Variants in SASH1 observed in about 807,000 individuals in gnomAD.
SASH1 encodes the protein SAM and SH3 domain-containing protein 1.
A neutral mutation model predicts 125.2 loss-of-function variants in SASH1; 44 were observed. That is an observed-to-expected ratio of 0.35 (90% CI 0.28 to 0.45). The LOEUF is 0.45. SASH1 is among the 20% of genes least tolerant of loss of function. The pLI is 1.00. For synonymous variants in SASH1, 639 were observed against 649.1 expected (o/e 0.98, Z 0.24); for missense variants, 1,426 against 1,614.5 (o/e 0.88, Z 2.00).
chr6:148,326,347 TATATA>T (rs1562326187), intron 1 of SASH1, among the ~76,000 whole-genome samples: 7 of 90,116 alleles, frequency 7.8e-5, no homozygotes, highest in African/African-American at 2.9e-4. Flanking sequence ...TATATATATA[TATATA>T]TATATGCATA....
chr6:148,398,051 G>T (rs771435848), intron 2 of SASH1, among the ~76,000 whole-genome samples: 1 of 152,112 alleles, frequency 6.6e-6, no homozygotes, highest in Non-Finnish European at 1.5e-5. Context: ...GGTGTGGACC[G>T]TGGGGAGTAA....
the SASH1 span, among the ~76,000 whole-genome samples, chr6:148,193,758 G>A: frequency 6.6e-6 from 1 of 152,128 alleles, no homozygotes; most frequent in Admixed American, 6.5e-5. Context: ...TAAGTGAAAC[G>A]TGCCTTCTAC....
chr6:148,410,524 C>T (rs1784580600), intron 2 of SASH1, among the ~76,000 whole-genome samples: 1 of 152,134 alleles, frequency 6.6e-6, no homozygotes, highest in African/African-American at 2.4e-5. Context: ...AAAGAGATTA[C>T]TAGTAATCTA....
intron 1 of SASH1, among the ~76,000 whole-genome samples, chr6:148,388,777 G>A (rs779376800): frequency 2.0e-4 from 30 of 152,204 alleles, no homozygotes; most frequent in Non-Finnish European, 3.4e-4. Context: ...AGCCTGCTTC[G>A]CAGTGTTAGG....
At chr6:148,503,762 A>G (rs1384269803) in intron 8 of SASH1, among the ~76,000 whole-genome samples, 2 of 86,452 alleles carry the variant, frequency 2.3e-5, no homozygotes, top group African/African-American at 6.2e-5. Flanking sequence ...CTTTCTTGTA[A>G]AAAAAAAAAA....
intron 6 of SASH1, among the ~76,000 whole-genome samples, chr6:148,471,997 G>A (rs1346116255): frequency 6.6e-6 from 1 of 152,148 alleles, no homozygotes; most frequent in East Asian, 1.9e-4. Context: ...TTGCCCGGGC[G>A]GCTTTGTGAA....
In SASH1 at chr6:148,544,577, C is replaced by G; in HGVS notation, c.3107C>G (p.Pro1036Arg). 6.2e-7 allele frequency: 1 copy of G among 1,613,350 alleles called. No homozygotes were observed. Residue 1036 changes from proline (P) to arginine (R), a missense_variant, in exon 18 of 20, where the codon CCC becomes CGC. Pro to Arg is a moderately radical substitution (Grantham distance 103). Transcript: ENST00000367467. This position sits in a 1 kb window ranked among gnomAD's most constrained non-coding sequence, Gnocchi z 6.4. ...AGCCCCACCAGCCCTAGCGACTGTC[C>G]CCCAGCACTGGCTCCCAGGCCTCTC... is the stretch of plus-strand genomic sequence containing the variant. ...PASPTSPSDC[P>R]PALAPRPLSG... is the part of the protein sequence containing the mutation.
chr6:148,532,456 A>ATGGT lies in SASH1; in HGVS notation c.1565-339_1565-336dup, dbSNP rs1210507359. Among the ~76,000 whole-genome samples the ATGGT allele has an allele frequency of 6.6e-6, 1 of 152,158 alleles. No homozygotes were observed. Among genetic ancestry groups the ATGGT allele is most frequent in the Non-Finnish European group, 1.5e-5 (1 of 68,036 alleles). ...CTGAATTTGTTTCCTCATCTGTAAAATGGTTAGAGAGAGTGTGCATTACCA... is the reference window on the plus strand; with the variant it reads ...CTGAATTTGTTTCCTCATCTGTAAAATGGTTGGTTAGAGAGAGTGTGCATTACCA... On this transcript the variant is annotated intron_variant, in intron 13 of 19. Coordinates refer to ENST00000367467, the MANE Select transcript of SASH1 (RefSeq NM_015278.5). The surrounding 1 kb of genome is among the most constrained non-coding windows in gnomAD (Gnocchi z 4.7).
At position 148,356,076 on chromosome 6, in the gene SASH1, T is replaced by C. The variant is rs1781923659; in HGVS notation, c.156+12853T>C. ...AAGTCCATTGTATCATTCTGTTTTT[T>C]TTTTTTTTTCTTTTCTTTTCTTTTT... On this transcript the variant is annotated intron_variant, in intron 1 of 19. Coordinates refer to ENST00000367467, the MANE Select transcript of SASH1 (RefSeq NM_015278.5). 3.3e-5 allele frequency among the ~76,000 whole-genome samples: 5 copies of C among 151,308 alleles called. No homozygotes were observed. The South Asian group carries it at 6.3e-4, about 19-fold the overall frequency.
chr6:148,277,035 C>A (rs1779204252), intron 1 of SASH1, among the ~76,000 whole-genome samples: 1 of 152,216 alleles, frequency 6.6e-6, no homozygotes, highest in African/African-American at 2.4e-5. Flanking sequence ...ATCCTCACAA[C>A]AACACGGTGT....
chr6:148,435,326 C>T (rs1020422493), intron 2 of SASH1, among the ~76,000 whole-genome samples: 5 of 147,024 alleles, frequency 3.4e-5, no homozygotes, highest in Non-Finnish European at 5.9e-5. Context: ...TGCAGTAAGC[C>T]GAAGATCGTG....
chr6:148,360,646 C>CA (rs1554242977), intron 1 of SASH1, among the ~76,000 whole-genome samples: 15 of 148,780 alleles, frequency 1.0e-4, no homozygotes, highest in Non-Finnish European at 1.5e-4. Context: ...ACCCCCCCGC[C>CA]AGGCTTTAAA....
intron 1 of SASH1, among the ~76,000 whole-genome samples, chr6:148,372,610 C>G (rs569551655): frequency 3.3e-5 from 5 of 152,234 alleles, no homozygotes; most frequent in Admixed American, 3.3e-4. Context: ...AAGCATAAAG[C>G]AATATATAAA....
chr6:148,268,199 A>G (rs556424532), upstream of SASH1, among the ~76,000 whole-genome samples: 9 of 152,358 alleles, frequency 5.9e-5, no homozygotes, highest in African/African-American at 2.2e-4. Context: ...ATGCACAGAA[A>G]GAATCTTTCA....
Position 148,519,862 on chromosome 6 carries a change from TGAA to T in SASH1, c.1183_1185del (p.Lys395del). 6.3e-7 allele frequency: 1 copy of T among 1,596,012 alleles called. No homozygotes were observed. Among genetic ancestry groups the T allele is most frequent in the Non-Finnish European group, 8.5e-7 (1 of 1,172,370 alleles). On this transcript the variant is annotated inframe_deletion, in exon 10 of 20. Coordinates refer to ENST00000367467, the MANE Select transcript of SASH1 (RefSeq NM_015278.5). The surrounding 1 kb of genome is among the most constrained non-coding windows in gnomAD (Gnocchi z 4.8). Reference sequence around the variant, plus strand: ...TCCCGCTCCCTCACCGAGGGGGAGATGAAGAAGGGTCTCGGGTCCCTAAGCCAC... The same window carrying T: ...TCCCGCTCCCTCACCGAGGGGGAGATGAAGGGTCTCGGGTCCCTAAGCCAC...
chr6:148,197,723 C>T, the SASH1 span, among the ~76,000 whole-genome samples: 3,123 of 152,268 alleles, frequency 0.021, 57 homozygotes, highest in Middle Eastern at 0.041. Flanking sequence ...GCTCTGTGTC[C>T]CCACCTGAGT....
rs1320384597 is a variant in SASH1, at chr6:148,551,561, A to G, written c.*3003A>G. 6.6e-6 allele frequency: 1 copy of G among 152,274 alleles called. No homozygotes were observed. The highest frequency in any genetic ancestry group is 1.5e-5 in the Non-Finnish European group (1 of 68,034). The allele number at this position is 152,274 out of a possible 1,614,324, so 9.4% of individuals were successfully genotyped here. A position where few individuals can be genotyped will look rare whatever the true frequency, so the allele number is the denominator to read the frequency against. Reference sequence around the variant, plus strand: ...GGTATGGGTGAAATTGGAAATTACTAATCTATTGGAAATCAGTTCCTGACA... The same window carrying G: ...GGTATGGGTGAAATTGGAAATTACTGATCTATTGGAAATCAGTTCCTGACA... On this transcript the variant is annotated 3_prime_UTR_variant, in exon 20 of 20. Transcript: ENST00000367467.
chr6:148,327,964 A>G (rs1389680862), intron 1 of SASH1, among the ~76,000 whole-genome samples: 1 of 151,620 alleles, frequency 6.6e-6, no homozygotes, highest in Non-Finnish European at 1.5e-5. Flanking sequence ...AAAGAAAAAG[A>G]AAAAGAAAAA....
chr6:148,498,247 A>C (rs544751111), intron 8 of SASH1, among the ~76,000 whole-genome samples: 21 of 143,812 alleles, frequency 1.5e-4, no homozygotes, highest in South Asian at 4.5e-4. Context: ...AAAAAAAAAA[A>C]CAAAAAAAAC....
Sources: allele counts gnomAD v4.1 joint callset (sites outside exome capture counted in the v4.1 genomes callset), GRCh38; gene constraint gnomAD v4.1.1; non-coding constraint Gnocchi (gnomAD v3.1); transcripts MANE v1.5; gene names NCBI Gene and HGNC (gene_info 2026-07-23, HGNC 2026-07-21).